RNF217: variants seen among roughly 807,000 people sequenced by gnomAD.
RNF217 encodes E3 ubiquitin-protein ligase RNF217.
RNF217 carries 31 observed loss-of-function variants against 57.8 expected under a neutral mutation model. The ratio of observed to expected loss-of-function variants is 0.54; its 90% CI spans 0.40 to 0.72. The LOEUF (loss-of-function observed/expected upper bound fraction) is 0.72, where lower values mean the gene tolerates loss of function less well. Ranked by LOEUF, RNF217 falls within the 30% of genes least tolerant of loss-of-function variation. The pLI is 0.00. For synonymous variants in RNF217, 313 were observed against 294.0 expected (o/e 1.06, Z -0.66); for missense variants, 696 against 708.3 (o/e 0.98, Z 0.20).
intron 1 of RNF217, among the ~76,000 whole-genome samples, chr6:125,013,345 TTGTGTATG>T (rs1233148251): frequency 6.0e-4 from 67 of 112,284 alleles, no homozygotes; most frequent in African/African-American, 2.1e-3. Context: ...CTTGCATGTT[TTGTGTATG>T]TGTGTGTGTG....
intron 1 of RNF217, among the ~76,000 whole-genome samples, chr6:125,007,169 A>G (rs1466173533): frequency 1.3e-5 from 2 of 151,916 alleles, no homozygotes; most frequent in Non-Finnish European, 2.9e-5. Context: ...CTTATCTAGA[A>G]TTGGTATTGT....
intron 1 of RNF217, among the ~76,000 whole-genome samples, chr6:125,011,545 C>A (rs1562466913): frequency 2.6e-5 from 4 of 152,052 alleles, no homozygotes; most frequent in African/African-American, 9.7e-5. Context: ...GCCTTGTTAA[C>A]AATTTTTAAA....
At chr6:124,998,188 C>T (rs1027853582) in intron 1 of RNF217, among the ~76,000 whole-genome samples, 6 of 152,146 alleles carry the variant, frequency 3.9e-5, no homozygotes, top group Admixed American at 1.3e-4. Context: ...TCATCATCTC[C>T]GTTACCTTAT....
chr6:124,994,905 G>A (rs1327010001), intron 1 of RNF217, among the ~76,000 whole-genome samples: 4 of 152,166 alleles, frequency 2.6e-5, no homozygotes, highest in Non-Finnish European at 5.9e-5. Context: ...TACTGAGAAA[G>A]TTGAGGTATA....
chr6:125,046,144 G>A (rs961505432), intron 2 of RNF217, among the ~76,000 whole-genome samples: 6 of 152,090 alleles, frequency 3.9e-5, no homozygotes, highest in Non-Finnish European at 5.9e-5. Flanking sequence ...CAGAGCAAGG[G>A]ATGAGTAAGT....
At chr6:125,034,497 G>T (rs1786515868) in intron 1 of RNF217, among the ~76,000 whole-genome samples, 1 of 152,126 alleles carries the variant, frequency 6.6e-6, no homozygotes, top group Non-Finnish European at 1.5e-5. Flanking sequence ...TCAAAGATCA[G>T]ATAGTTGTAG....
chr6:125,053,051 C>G lies in RNF217; in HGVS notation c.1117-4891C>G, dbSNP rs147959098. Among the ~76,000 whole-genome samples the G allele has an allele frequency of 9.9e-5, 15 of 152,180 alleles. No individual in the cohort carries two copies. The East Asian group carries it at 1.6e-3, about 16-fold the overall frequency. On this transcript the variant is annotated intron_variant, in intron 2 of 5. Transcript: ENST00000521654. ...CAATATATCATGTGCTCTTGGGCCT[C>G]TGTGTGGTGGCTCAGGATGGACCCT...
chr6:125,084,449 T>C lies in RNF217; in HGVS notation c.*1512T>C, dbSNP rs963902392. On this transcript the variant is annotated 3_prime_UTR_variant, in exon 6 of 6. Transcript: ENST00000521654. ...AAAAAGCCTAAAGCTTTAAATTGTCTCCAAATTCTTAAAATTAGTCATCTG... is the reference window on the plus strand; with the variant it reads ...AAAAAGCCTAAAGCTTTAAATTGTCCCCAAATTCTTAAAATTAGTCATCTG... 8 of 151,968 alleles carry C rather than the reference T, an allele frequency of 5.3e-5. No homozygotes were observed. Among genetic ancestry groups the C allele is most frequent in the African/African-American group, 1.9e-4 (8 of 41,414 alleles). The allele number at this position is 151,968 out of a possible 1,614,324, so 9.4% of individuals were successfully genotyped here.
chr6:125,077,089 C>A (rs958892799), intron 4 of RNF217, among the ~76,000 whole-genome samples: 1 of 152,144 alleles, frequency 6.6e-6, no homozygotes, highest in Non-Finnish European at 1.5e-5. Context: ...ATTAATCACA[C>A]GCAGAAATCT....
chr6:125,076,516 A>C (rs1291157396), intron 3 of RNF217, 141 bp from the exon 4 acceptor site: 1 of 623,024 alleles, frequency 1.6e-6, no homozygotes, highest in Admixed American at 2.7e-5. Flanking sequence ...TATGATTATA[A>C]GCAAATTCAC....
intron 1 of RNF217, among the ~76,000 whole-genome samples, chr6:124,987,482 A>G (rs1267622328): frequency 1.3e-5 from 2 of 152,130 alleles, no homozygotes; most frequent in African/African-American, 4.8e-5. Context: ...GAATCATGCA[A>G]TATGTGGTCT....
chr6:125,073,628 C>T (rs495548), intron 3 of RNF217, among the ~76,000 whole-genome samples: 69,229 of 151,912 alleles, frequency 0.46, 16,114 homozygotes, highest in Middle Eastern at 0.54. Context: ...TGGTAACTCT[C>T]GACCCTAGGT....
At chr6:125,028,475 G>C (rs1004428791) in intron 1 of RNF217, among the ~76,000 whole-genome samples, 2 of 151,870 alleles carry the variant, frequency 1.3e-5, no homozygotes, top group African/African-American at 4.8e-5. Flanking sequence ...GTATATTTTG[G>C]AACTATACTG....
intron 1 of RNF217, among the ~76,000 whole-genome samples, chr6:125,020,753 A>G (rs1437721807): frequency 6.6e-6 from 1 of 152,188 alleles, no homozygotes; most frequent in Non-Finnish European, 1.5e-5. Flanking sequence ...ATGGACTATT[A>G]CAGATCAACA....
intron 1 of RNF217, among the ~76,000 whole-genome samples, chr6:125,026,656 A>AT (rs111460767): frequency 1.3e-5 from 2 of 151,950 alleles, no homozygotes; most frequent in South Asian, 2.1e-4. Flanking sequence ...AGAAAAAAAA[A>AT]AGGGAATCAC....
At chr6:124,979,782 G>T (rs1326548720) in intron 1 of RNF217, among the ~76,000 whole-genome samples, 2 of 152,198 alleles carry the variant, frequency 1.3e-5, no homozygotes, top group Non-Finnish European at 2.9e-5. Flanking sequence ...TCTAGCTTCT[G>T]TGTGGAGAAT....
intron 1 of RNF217, among the ~76,000 whole-genome samples, chr6:125,004,626 G>A (rs891177138): frequency 2.6e-5 from 4 of 152,218 alleles, no homozygotes; most frequent in African/African-American, 9.6e-5. Context: ...AAGGCTTCTA[G>A]TGAAGTGCTG....
chr6:125,048,273 A>C (rs771713791), intron 2 of RNF217: 1 of 1,328,936 alleles, frequency 7.5e-7, no homozygotes, highest in African/African-American at 1.5e-5. Flanking sequence ...AACATTTTTT[A>C]TTTTGCAGTA....
intron 3 of RNF217, among the ~76,000 whole-genome samples, chr6:125,065,290 C>CA (rs1192938088): frequency 0.063 from 3,956 of 63,274 alleles, 245 homozygotes; most frequent in African/African-American, 0.13. Context: ...GACTCTGTCT[C>CA]AAAAAAAAAA....
Sources: gnomAD v4.1 joint callset for allele counts (sites outside exome capture counted in the v4.1 genomes callset) on GRCh38, gnomAD v4.1.1 for gene constraint, MANE v1.5 for transcripts, NCBI Gene and HGNC (gene_info 2026-07-23, HGNC 2026-07-21) for gene names.